Variants in DAB1 observed in about 807,000 individuals in gnomAD.
DAB1 encodes DAB adaptor protein 1, also known as disabled homolog 1.
DAB1 carries 15 observed loss-of-function variants against 64.6 expected under a neutral mutation model. The observed-to-expected ratio is 0.23, with a 90% CI of 0.16 to 0.36. The LOEUF (loss-of-function observed/expected upper bound fraction) is 0.36. Among genes scored for constraint, DAB1 ranks in the 10% least tolerant of loss-of-function variants. The pLI, the probability that DAB1 is intolerant of heterozygous loss-of-function variation, is 1.00. For missense variants in DAB1, 596 were observed against 706.7 expected (o/e 0.84, Z 1.78); for synonymous variants, 235 against 251.9 (o/e 0.93, Z 0.64).
intron 1 of DAB1, among the ~76,000 whole-genome samples, chr1:58,536,936 G>A (rs572019356): frequency 6.6e-6 from 1 of 152,146 alleles, no homozygotes; most frequent in African/African-American, 2.4e-5. Context: ...TAAAGTTACA[G>A]TTAAAAAATT....
At chr1:57,035,591 C>T (rs548011791) in intron 9 of DAB1, among the ~76,000 whole-genome samples, 5 of 152,164 alleles carry the variant, frequency 3.3e-5, no homozygotes, top group South Asian at 4.2e-4. Context: ...AGATATGGAC[C>T]GGGTCTTGGT....
intron 2 of DAB1, among the ~76,000 whole-genome samples, chr1:57,217,903 A>G (rs756305940): frequency 3.9e-5 from 6 of 151,912 alleles, no homozygotes; most frequent in Non-Finnish European, 8.8e-5. Context: ...GGGCGTAATC[A>G]CCGTTCATTC....
chr1:57,093,603 T>C (rs1638798776), intron 4 of DAB1, among the ~76,000 whole-genome samples: 1 of 152,188 alleles, frequency 6.6e-6, no homozygotes, highest in South Asian at 2.1e-4. Flanking sequence ...GTAAAATATA[T>C]AGGCTTATAA....
intron 3 of DAB1, among the ~76,000 whole-genome samples, chr1:58,429,271 G>A (rs1260402739): frequency 6.6e-6 from 1 of 152,200 alleles, no homozygotes. Context: ...ACGTGGTGGG[G>A]TTGGGAGAGT....
intron 5 of DAB1, among the ~76,000 whole-genome samples, chr1:57,998,826 A>G (rs1383777444): frequency 1.3e-5 from 2 of 152,238 alleles, no homozygotes; most frequent in African/African-American, 4.8e-5. Context: ...CAGTATCCAC[A>G]GATACTCTTT....
intron 9 of DAB1, among the ~76,000 whole-genome samples, chr1:57,045,723 G>T (rs1229352875): frequency 1.3e-5 from 2 of 152,028 alleles, no homozygotes; most frequent in Non-Finnish European, 2.9e-5. Context: ...GAAAAAGAAA[G>T]AAAGTGGGAT....
chr1:57,630,402 G>A (rs749318604), intron 7 of DAB1, among the ~76,000 whole-genome samples: 1 of 152,058 alleles, frequency 6.6e-6, no homozygotes, highest in Non-Finnish European at 1.5e-5. Flanking sequence ...CCCTCACCTC[G>A]GGAAAATTGT....
chr1:57,070,836 G>A (rs1020934705), intron 7 of DAB1, 187 bp downstream of exon 7: 10 of 635,802 alleles, frequency 1.6e-5, no homozygotes, highest in African/African-American at 5.5e-5. Flanking sequence ...TACCGATGCC[G>A]GCCAAACTTC....
chr1:57,523,816 C>G (rs1288083309), intron 7 of DAB1, among the ~76,000 whole-genome samples: 2 of 151,860 alleles, frequency 1.3e-5, no homozygotes, highest in Non-Finnish European at 2.9e-5. Context: ...TCCCAGCAAT[C>G]TGGGAGGCTG....
chr1:58,122,761 A>T (rs1319120136), intron 5 of DAB1, among the ~76,000 whole-genome samples: 7 of 152,152 alleles, frequency 4.6e-5, no homozygotes, highest in Non-Finnish European at 1.0e-4. Flanking sequence ...GGGTGTTGAC[A>T]GGGCTTTGGT....
intron 5 of DAB1, among the ~76,000 whole-genome samples, chr1:58,108,161 C>T (rs1651773503): frequency 6.6e-6 from 1 of 152,196 alleles, no homozygotes; most frequent in Non-Finnish European, 1.5e-5. Flanking sequence ...GAAGGTAAAA[C>T]TCTCAGATTT....
intron 5 of DAB1, among the ~76,000 whole-genome samples, chr1:58,114,832 TG>T (rs1178316596): frequency 6.6e-6 from 1 of 152,238 alleles, no homozygotes; most frequent in East Asian, 1.9e-4. Context: ...TTGTTACAAC[TG>T]TGCCAGTTGC....
Position 57,029,318 on chromosome 1 carries a change from G to T in DAB1, c.724-3275C>A, listed in dbSNP as rs772679619. ...GGGAACTTCCACCTAGATTTAAGATGATGTATGGAAATGCCTGGATGCCCA... is the reference window on the plus strand; with the variant it reads ...GGGAACTTCCACCTAGATTTAAGATTATGTATGGAAATGCCTGGATGCCCA... On this transcript the variant is annotated intron_variant, in intron 9 of 14. Transcript: ENST00000371236. 5.6e-4 allele frequency among the ~76,000 whole-genome samples: 86 copies of T among 152,226 alleles called. 2 individuals are homozygous for T. The highest frequency in any genetic ancestry group is 2.1e-4 in the Non-Finnish European group (14 of 68,040).
chr1:57,905,094 T>C (rs1301816016), intron 5 of DAB1, among the ~76,000 whole-genome samples: 1 of 151,922 alleles, frequency 6.6e-6, no homozygotes, highest in African/African-American at 2.4e-5. Context: ...CCATACAAAA[T>C]AGGTACCATT....
At chr1:58,276,708 C>A (rs1266420374) in intron 4 of DAB1, among the ~76,000 whole-genome samples, 1 of 152,160 alleles carries the variant, frequency 6.6e-6, no homozygotes, top group Non-Finnish European at 1.5e-5. Flanking sequence ...GTACCAAAAC[C>A]ATCATGTCTC....
rs568495558 is a variant in DAB1 at position 57,488,611 on chromosome 1, G to T, written n.625+160981C>A. Among the ~76,000 whole-genome samples, 3 of 151,992 alleles carry T rather than the reference G, an allele frequency of 2.0e-5. No individual in the cohort carries two copies. In the East Asian group the frequency reaches 5.8e-4, roughly 29 times the overall value. On this transcript the variant is annotated intron_variant and non_coding_transcript_variant, in intron 7 of 20. Coordinates refer to the DAB1 transcript ENST00000485760. ...GAATCACTTGAATCTGGGAGGTGGAGGTTGCGGTGAGCCAAGATCGCATCA... is the reference window on the plus strand; with the variant it reads ...GAATCACTTGAATCTGGGAGGTGGATGTTGCGGTGAGCCAAGATCGCATCA...
intron 6 of DAB1, among the ~76,000 whole-genome samples, chr1:57,668,908 T>A (rs1646478728): frequency 6.6e-6 from 1 of 152,156 alleles, no homozygotes; most frequent in Non-Finnish European, 1.5e-5. Flanking sequence ...CTTAAACATT[T>A]ACATATGCAT....
At chr1:58,365,572 C>T (rs184516486) in intron 3 of DAB1, among the ~76,000 whole-genome samples, 42 of 152,282 alleles carry the variant, frequency 2.8e-4, no homozygotes, top group Admixed American at 2.5e-3. Flanking sequence ...CCTGGTTGAC[C>T]AATGCTTTAT....
chr1:58,020,510 C>T (rs1646800589), intron 5 of DAB1, among the ~76,000 whole-genome samples: 1 of 152,160 alleles, frequency 6.6e-6, no homozygotes, highest in Non-Finnish European at 1.5e-5. Flanking sequence ...TCAGATTTAA[C>T]CAAGGTAAAT....
Sources: gnomAD v4.1 joint callset for allele counts (sites outside exome capture counted in the v4.1 genomes callset) on GRCh38, gnomAD v4.1.1 for gene constraint, MANE v1.5 for transcripts, NCBI Gene and HGNC (gene_info 2026-07-23, HGNC 2026-07-21) for gene names.